IDO2: variants seen among roughly 807,000 people sequenced by gnomAD.
IDO2 encodes the protein indoleamine 2,3-dioxygenase-like 1 protein.
IDO2 carries 46 observed loss-of-function variants against 45.1 expected under a neutral mutation model. The observed-to-expected ratio is 1.02, with a 90% CI of 0.80 to 1.30. IDO2 has a LOEUF of 1.30. IDO2 is among the 50% of genes most tolerant of loss of function. The pLI is 0.00. For missense variants in IDO2, 544 were observed against 491.8 expected (o/e 1.11, Z -1.00); for synonymous variants, 218 against 184.9 (o/e 1.18, Z -1.45).
intron 8 of IDO2, among the ~76,000 whole-genome samples, chr8:40,002,130 T>C (rs1802147302): frequency 6.6e-6 from 1 of 152,170 alleles, no homozygotes; most frequent in Non-Finnish European, 1.5e-5. Context: ...TGTTTTGTCT[T>C]TCACTTTTTA....
intron 9 of IDO2, among the ~76,000 whole-genome samples, chr8:40,005,868 G>C (rs758518454): frequency 5.9e-5 from 9 of 152,184 alleles, no homozygotes; most frequent in Non-Finnish European, 1.0e-4. Context: ...TCGAAGGTGG[G>C]TTCTCTGGGA....
chr8:39,985,838 AT>A (rs1173261016), intron 6 of IDO2: 380 of 238,298 alleles, frequency 1.6e-3, no homozygotes, highest in Middle Eastern at 4.6e-3. Context: ...TTGAAGTTTA[AT>A]TTTTTTTTTG....
At chr8:39,985,194 G>T in intron 5 of IDO2, 1 of 391,192 alleles carries the variant, frequency 2.6e-6, no homozygotes, top group South Asian at 3.1e-5. Flanking sequence ...CTTCCAAAGT[G>T]CTAGGATTAC....
At chr8:39,943,651 G>A (rs558702072) in intron 1 of IDO2, among the ~76,000 whole-genome samples, 1 of 150,458 alleles carries the variant, frequency 6.6e-6, no homozygotes, top group South Asian at 2.1e-4. Flanking sequence ...GCAGGAGAAT[G>A]GCGTGAACCC....
intron 8 of IDO2, among the ~76,000 whole-genome samples, chr8:40,004,739 A>G (rs2129595321): frequency 6.6e-6 from 1 of 152,338 alleles, no homozygotes. Flanking sequence ...CATACAAGTT[A>G]GTAAACTGGA....
At chr8:39,960,172 C>T (rs1215831652) in intron 2 of IDO2, among the ~76,000 whole-genome samples, 1 of 152,138 alleles carries the variant, frequency 6.6e-6, no homozygotes, top group African/African-American at 2.4e-5. Flanking sequence ...CATGGACCTT[C>T]CATGTCATTT....
intron 5 of IDO2, among the ~76,000 whole-genome samples, chr8:39,983,411 G>C (rs541410320): frequency 6.6e-6 from 1 of 152,282 alleles, no homozygotes; most frequent in South Asian, 2.1e-4. Flanking sequence ...CTAGATGAAA[G>C]AGACAGCACT....
chr8:40,003,799 T>C (rs1802175716), intron 8 of IDO2, among the ~76,000 whole-genome samples: 1 of 152,230 alleles, frequency 6.6e-6, no homozygotes, highest in East Asian at 1.9e-4. Context: ...GATCCTTGTT[T>C]AGTTTCACAT....
chr8:39,976,216 A>C (rs1808257844), intron 3 of IDO2, among the ~76,000 whole-genome samples: 1 of 152,174 alleles, frequency 6.6e-6, no homozygotes, highest in Admixed American at 6.5e-5. Flanking sequence ...ACCTCAAGTG[A>C]TCTGCCCGTC....
chr8:40,007,974 C>A (rs1802246879), intron 9 of IDO2, among the ~76,000 whole-genome samples: 1 of 150,260 alleles, frequency 6.7e-6, no homozygotes, highest in South Asian at 2.1e-4. Context: ...CAGACAGGAG[C>A]TGCTCTCAGC....
At chr8:40,004,579 T>TAGATGATAGATAGAC (rs1802192064) in intron 8 of IDO2, among the ~76,000 whole-genome samples, 1 of 148,012 alleles carries the variant, frequency 6.8e-6, no homozygotes, top group African/African-American at 2.5e-5. Flanking sequence ...GATAGATAGA[T>TAGATGATAGATAGAC]AGATAGATAA....
chr8:39,967,849 A>G (rs1328066148), intron 3 of IDO2, among the ~76,000 whole-genome samples: 3 of 152,386 alleles, frequency 2.0e-5, no homozygotes, highest in African/African-American at 7.2e-5. Flanking sequence ...ATATCAAAAT[A>G]CTGAAGAGGA....
At position 39,935,008 on chromosome 8, in the gene IDO2, T is replaced by A. The variant is rs1391480447; in HGVS notation, c.-228T>A. The A allele has an allele frequency of 2.9e-6, 2 of 690,786 alleles. No individual in the cohort carries two copies. The highest frequency in any genetic ancestry group is 5.2e-6 in the Non-Finnish European group (2 of 382,450). 42.8% of individuals were successfully genotyped at this position (690,786 alleles called of 1,614,324 possible). A position where few individuals can be genotyped will look rare whatever the true frequency, so the allele number is the denominator to read the frequency against. On this transcript the variant is annotated 5_prime_UTR_variant, in exon 1 of 11. It removes an upstream start codon present in the reference 5' UTR. Transcript: ENST00000502986. ...AGAATACAGAGAGTCCACAATGAGATGAAAATGCACTGCCAGTTGAAACAT... is the reference window on the plus strand; with the variant it reads ...AGAATACAGAGAGTCCACAATGAGAAGAAAATGCACTGCCAGTTGAAACAT...
At chr8:40,000,188 C>T (rs1273903241) in intron 8 of IDO2, among the ~76,000 whole-genome samples, 4 of 152,064 alleles carry the variant, frequency 2.6e-5, no homozygotes, top group Non-Finnish European at 5.9e-5. Flanking sequence ...CTGAGGTGGT[C>T]GGATCATGAG....
intron 1 of IDO2, among the ~76,000 whole-genome samples, chr8:39,938,715 T>A (rs1299167493): frequency 1.3e-5 from 2 of 152,104 alleles, no homozygotes; most frequent in African/African-American, 4.8e-5. Context: ...TATCAAAATA[T>A]ACAAATAATT....
intron 8 of IDO2, among the ~76,000 whole-genome samples, chr8:40,001,459 A>AATCTCT (rs770293434): frequency 1.0e-3 from 159 of 151,958 alleles, no homozygotes; most frequent in Non-Finnish European, 1.8e-3. Context: ...TATGTTGGCC[A>AATCTCT]GACTGGTCTC....
intron 8 of IDO2, among the ~76,000 whole-genome samples, chr8:39,995,441 C>A (rs981951995): frequency 4.6e-5 from 7 of 151,210 alleles, no homozygotes; most frequent in Admixed American, 1.3e-4. Flanking sequence ...CCACCACGCC[C>A]GGATAATTTT....
At chr8:40,008,884 G>A (rs1406367087) in intron 9 of IDO2, among the ~76,000 whole-genome samples, 1 of 152,146 alleles carries the variant, frequency 6.6e-6, no homozygotes, top group African/African-American at 2.4e-5. Flanking sequence ...AATCCTACAT[G>A]CATTAATAAG....
At chr8:40,013,927 C>T (rs1802347954) in intron 10 of IDO2, among the ~76,000 whole-genome samples, 1 of 152,128 alleles carries the variant, frequency 6.6e-6, no homozygotes, top group African/African-American at 2.4e-5. Flanking sequence ...GGTTTTACTT[C>T]CAAATCTTAA....
Sources: allele counts gnomAD v4.1 joint callset (sites outside exome capture counted in the v4.1 genomes callset), GRCh38; gene constraint gnomAD v4.1.1; transcripts MANE v1.5; gene names NCBI Gene and HGNC (gene_info 2026-07-23, HGNC 2026-07-21).